GATA3: variants seen among roughly 807,000 people sequenced by gnomAD.
GATA3 encodes GATA binding protein 3.
Under a neutral mutation model 36.0 loss-of-function variants are expected in GATA3, and 6 were observed. The observed-to-expected ratio is 0.17, with a 90% confidence interval of 0.09 to 0.33. GATA3 has a LOEUF of 0.33. GATA3 is among the 10% of genes least tolerant of loss of function. GATA3 has a pLI of 1.00. For synonymous variants in GATA3, 326 were observed against 273.0 expected (o/e 1.19, Z -1.92); for missense variants, 514 against 610.1 (o/e 0.84, Z 1.66).
At chr10:8,046,231 C>A (rs187848564) in intron 1 of GATA3, among the ~76,000 whole-genome samples, 2 of 152,198 alleles carry the variant, frequency 1.3e-5, no homozygotes, top group Non-Finnish European at 2.9e-5. Context: ...GCAGTTCCCC[C>A]CTGAAGACAG....
rs11567886 is a variant in GATA3 at position 8,055,549 on chromosome 10, C to A, written c.-107C>A. 200 of 1,304,296 alleles carry A rather than the reference C, an allele frequency of 1.5e-4. No individual in the cohort carries two copies. In the African/African-American group the frequency reaches 2.7e-3, roughly 18 times the overall value. 80.8% of individuals were successfully genotyped at this position (1,304,296 alleles called of 1,614,324 possible). ...CACCGAAAGCAAATCATTCAACGAC[C>A]CCCGACCCTCCGACGGCAGGAGCCC... On this transcript the variant is annotated 5_prime_UTR_variant, in exon 2 of 6. Coordinates refer to ENST00000379328, the MANE Select transcript of GATA3 (RefSeq NM_001002295.2). The surrounding 1 kb of genome is among the most constrained non-coding windows in gnomAD (Gnocchi z 5.4).
chr10:8,061,367 C>A (rs1405830159), intron 3 of GATA3, among the ~76,000 whole-genome samples: 1 of 152,192 alleles, frequency 6.6e-6, no homozygotes, highest in African/African-American at 2.4e-5. Context: ...CTCCCTACCC[C>A]CTCCCACAGC....
At chr10:8,069,151 C>T (rs1326155197) in intron 4 of GATA3, among the ~76,000 whole-genome samples, 3 of 152,132 alleles carry the variant, frequency 2.0e-5, no homozygotes, top group Non-Finnish European at 4.4e-5. Flanking sequence ...AAAATTAACC[C>T]TCTGGTGTAC....
At chr10:8,045,391 C>G (rs1252070686) in exon 1 of GATA3, 1 of 152,492 alleles carries the variant, frequency 6.6e-6, no homozygotes, top group Non-Finnish European at 1.5e-5. Flanking sequence ...GTGAGCAGTT[C>G]CAGCGGCCAG....
At chr10:8,067,070 A>T (rs2131507410) in intron 4 of GATA3, among the ~76,000 whole-genome samples, 1 of 152,266 alleles carries the variant, frequency 6.6e-6, no homozygotes, top group African/African-American at 2.4e-5. Flanking sequence ...GATAATAATC[A>T]CATATAATTT....
At position 8,074,886 on chromosome 10, in the gene GATA3, T is replaced by C; in HGVS notation, c.*863T>C. 1 of 233,802 alleles carries C rather than the reference T, an allele frequency of 4.3e-6. No homozygotes were observed. The allele number at this position is 233,802 out of a possible 1,614,324, so 14.5% of individuals were successfully genotyped here. ...GTTGAATAAACTAGATTACATTCAG[T>C]TGGCCTAAGGTGGTTGTGCTCGGAG... On this transcript the variant is annotated 3_prime_UTR_variant, in exon 6 of 6. Coordinates refer to ENST00000379328, the MANE Select transcript of GATA3 (RefSeq NM_001002295.2).
intron 1 of GATA3, among the ~76,000 whole-genome samples, chr10:8,047,862 C>T (rs1343081522): frequency 1.3e-5 from 2 of 152,048 alleles, no homozygotes; most frequent in Admixed American, 6.5e-5. Context: ...GAGAAGGGTG[C>T]GCATGCCAAA....
rs1228528853 is a variant in GATA3 at position 8,055,582 on chromosome 10, T to G, written c.-74T>G. The G allele has an allele frequency of 6.2e-6, 9 of 1,455,196 alleles. No individual in the cohort carries two copies. The highest frequency in any genetic ancestry group is 7.2e-6 in the Non-Finnish European group (8 of 1,105,476). 90.1% of individuals were successfully genotyped at this position (1,455,196 alleles called of 1,614,324 possible). Reference sequence around the variant, plus strand: ...CTCCGACGGCAGGAGCCCCCCGACCTCCCAGGCGGACCGCCCTCCCTCCCC... The same window carrying G: ...CTCCGACGGCAGGAGCCCCCCGACCGCCCAGGCGGACCGCCCTCCCTCCCC... On this transcript the variant is annotated 5_prime_UTR_variant, in exon 2 of 6. Coordinates refer to ENST00000379328, the MANE Select transcript of GATA3 (RefSeq NM_001002295.2). The surrounding 1 kb of genome is among the most constrained non-coding windows in gnomAD (Gnocchi z 5.4).
At position 8,058,531 on chromosome 10, in the gene GATA3, C is replaced by T. The variant is rs775381986; in HGVS notation, c.468C>T (p.Thr156=). The T allele has an allele frequency of 8.1e-6, 13 of 1,612,106 alleles. No individual in the cohort carries two copies. Among genetic ancestry groups the T allele is most frequent in the Non-Finnish European group, 1.0e-5 (12 of 1,179,816 alleles). ...ASPHLFTFPP[T]PPKDVSPDPS... is the part of the protein sequence containing the mutation. The stretch of plus-strand genomic sequence containing the variant: ...CGCACCTCTTCACCTTCCCGCCCAC[C>T]CCGCCGAAGGACGTCTCCCCGGACC... Residue 156 remains threonine (T), a synonymous_variant, in exon 3 of 6, where the codon ACC becomes ACT. Coordinates refer to ENST00000379328, the MANE Select transcript of GATA3 (RefSeq NM_001002295.2).
intron 2 of GATA3, among the ~76,000 whole-genome samples, chr10:8,057,441 G>A (rs1199748527): frequency 1.3e-5 from 2 of 152,116 alleles, no homozygotes; most frequent in Non-Finnish European, 2.9e-5. Context: ...ACATCAACTG[G>A]AATTTTGTGT....
At chr10:8,051,963 C>T (rs1832505677), upstream of GATA3, among the ~76,000 whole-genome samples, 1 of 152,190 alleles carries the variant, frequency 6.6e-6, no homozygotes, top group Non-Finnish European at 1.5e-5. Context: ...CTCGGCATCC[C>T]CCTCCCATCC....
At chr10:8,060,280 C>T (rs1832725831) in intron 3 of GATA3, among the ~76,000 whole-genome samples, 1 of 152,198 alleles carries the variant, frequency 6.6e-6, no homozygotes, top group African/African-American at 2.4e-5. Context: ...GAACCCAGAC[C>T]TGCATGTTCA....
upstream of GATA3, chr10:8,051,071 G>T (rs501764): frequency 0.86 from 453,163 of 528,742 alleles, 195,099 homozygotes; most frequent in East Asian, 0.99. Context: ...CCGCGCCTCC[G>T]CTCTGCGCCA....
At chr10:8,051,019 C>G (rs1356351380), upstream of GATA3, 1 of 518,544 alleles carries the variant, frequency 1.9e-6, no homozygotes, top group African/African-American at 2.0e-5. Flanking sequence ...GCGAGCATCT[C>G]CGCGCCCTGG....
intron 3 of GATA3, among the ~76,000 whole-genome samples, chr10:8,061,851 C>T (rs1467468494): frequency 6.6e-6 from 1 of 152,236 alleles, no homozygotes; most frequent in Non-Finnish European, 1.5e-5. Context: ...GGCAACCACG[C>T]TCCCCGCCTC....
chr10:8,061,066 GCTCT>G (rs111353803), intron 3 of GATA3, among the ~76,000 whole-genome samples: 2 of 148,944 alleles, frequency 1.3e-5, no homozygotes, highest in Admixed American at 6.7e-5. Flanking sequence ...TTTAGTGGTT[GCTCT>G]CTCTCTCTCT....
chr10:8,068,397 A>T (rs1356066329), intron 4 of GATA3, among the ~76,000 whole-genome samples: 1 of 152,154 alleles, frequency 6.6e-6, no homozygotes, highest in Non-Finnish European at 1.5e-5. Context: ...TTGGTGAATC[A>T]AATTTAGGTG....
chr10:8,073,717 A>T (rs1439823772), intron 5 of GATA3, 22 bp from the exon 6 acceptor site: 3 of 1,595,262 alleles, frequency 1.9e-6, no homozygotes, highest in Middle Eastern at 1.7e-4. Context: ...AAAAAAAAAA[A>T]AAAAAATTGA....
chr10:8,062,361 ATTT>A lies in GATA3; in HGVS notation c.779-1618_779-1616del, dbSNP rs55716625. Among the ~76,000 whole-genome samples, 497 of 142,854 alleles carry A rather than the reference ATTT, an allele frequency of 3.5e-3. 1 individual carries two copies. Among genetic ancestry groups the A allele is most frequent in the East Asian group, 0.02 (96 of 4,902 alleles). 93.7% of individuals were successfully genotyped at this position (142,854 alleles called of 152,430 possible). The stretch of plus-strand genomic sequence containing the variant: ...AAAAAAAAACCTCTCTTACATCCTC[ATTT>A]TTTTTTTTTTTTTAAAAAACAAAGT... On this transcript the variant is annotated intron_variant, in intron 3 of 5. Transcript: ENST00000379328.
Sources: gnomAD v4.1 joint callset for allele counts (sites outside exome capture counted in the v4.1 genomes callset) on GRCh38, gnomAD v4.1.1 for gene constraint, Gnocchi (gnomAD v3.1) non-coding constraint, MANE v1.5 for transcripts, NCBI Gene and HGNC (gene_info 2026-07-23, HGNC 2026-07-21) for gene names.